Variants in ITGAX observed in about 807,000 individuals in gnomAD.
ITGAX encodes integrin subunit alpha X.
In ITGAX, 99 loss-of-function variants were observed where a neutral mutation model predicts 140.2. The observed-to-expected ratio is 0.71, with a 90% confidence interval of 0.60 to 0.83. The LOEUF (loss-of-function observed/expected upper bound fraction) is 0.83, where lower values mean the gene tolerates loss of function less well. ITGAX is among the 40% of genes least tolerant of loss of function. The probability of loss-of-function intolerance (pLI) is 0.00; values close to 1 mark genes in which losing one functional copy is unlikely to be tolerated. For synonymous variants in ITGAX, 631 were observed against 600.4 expected (o/e 1.05, Z -0.75); for missense variants, 1,444 against 1,482.0 (o/e 0.97, Z 0.42).
chr16:31,381,293 G>A (rs1040466021), intron 29 of ITGAX, among the ~76,000 whole-genome samples: 1 of 152,092 alleles, frequency 6.6e-6, no homozygotes, highest in African/African-American at 2.4e-5. Context: ...TTTGAATGTC[G>A]ACATCACCAC....
chr16:31,373,173 C>G, intron 19 of ITGAX, 76 bp from the exon 20 acceptor site: 1 of 1,017,278 alleles, frequency 9.8e-7, no homozygotes, highest in South Asian at 1.5e-5. Flanking sequence ...AAATCCCCAC[C>G]CACCCCATTT....
At chr16:31,370,160 T>G (rs1363415724) in intron 14 of ITGAX, 2 of 152,218 alleles carry the variant, frequency 1.3e-5, no homozygotes, top group African/African-American at 4.8e-5. Flanking sequence ...TTCACCATGT[T>G]GGCCAGGCTG....
chr16:31,367,844 C>A (rs1006009824), intron 14 of ITGAX, among the ~76,000 whole-genome samples: 1 of 152,196 alleles, frequency 6.6e-6, no homozygotes, highest in Non-Finnish European at 1.5e-5. Context: ...GATAGTGATT[C>A]TTCTGATGGA....
At chr16:31,375,585 A>G (rs1348752195) in intron 20 of ITGAX, among the ~76,000 whole-genome samples, 1 of 152,242 alleles carries the variant, frequency 6.6e-6, no homozygotes, top group African/African-American at 2.4e-5. Flanking sequence ...ATCACACCCA[A>G]TGAAATAAGT....
intron 14 of ITGAX, among the ~76,000 whole-genome samples, chr16:31,369,468 T>C (rs567034069): frequency 6.6e-6 from 1 of 152,252 alleles, no homozygotes; most frequent in Admixed American, 6.5e-5. Context: ...AGAAATTTCA[T>C]GAAAGGAAGA....
At position 31,382,032 on chromosome 16, in the gene ITGAX, G is replaced by T. The variant is rs1482394429; in HGVS notation, c.*125G>T. On this transcript the variant is annotated 3_prime_UTR_variant, in exon 30 of 30. Transcript: ENST00000268296. Reference sequence around the variant, plus strand: ...AGAGGCTGGGATGGGCCTGCTTCCTGTCTTTGGGAGAAAACGTCTTGCTTG... The same window carrying T: ...AGAGGCTGGGATGGGCCTGCTTCCTTTCTTTGGGAGAAAACGTCTTGCTTG... The T allele has an allele frequency of 4.8e-6, 7 of 1,451,418 alleles. No individual in the cohort carries two copies. In the East Asian group the frequency reaches 1.7e-4, roughly 36 times the overall value. 89.9% of individuals were successfully genotyped at this position (1,451,418 alleles called of 1,614,324 possible).
chr16:31,358,419 C>T (rs924933532), intron 5 of ITGAX: 5 of 152,066 alleles, frequency 3.3e-5, no homozygotes, highest in African/African-American at 7.3e-5. Flanking sequence ...ATAGTGAGAC[C>T]TCATCTCTAC....
At chr16:31,374,171 C>A (rs1164313884) in intron 20 of ITGAX, among the ~76,000 whole-genome samples, 1 of 152,062 alleles carries the variant, frequency 6.6e-6, no homozygotes. Context: ...TGCCTGTGAT[C>A]CCAGCTACTG....
intron 14 of ITGAX, among the ~76,000 whole-genome samples, chr16:31,369,275 C>A (rs12930249): frequency 7.5e-6 from 1 of 133,718 alleles, no homozygotes; most frequent in African/African-American, 2.9e-5. Flanking sequence ...GGCAGCTGGC[C>A]GGGCGGGGGG....
Position 31,377,216 on chromosome 16 carries a change from T to G in ITGAX, c.2740T>G (p.Phe914Val), listed in dbSNP as rs1213037700. The G allele has an allele frequency of 1.9e-6, 3 of 1,613,896 alleles. No homozygotes were observed. In the Admixed American group the frequency reaches 5.0e-5, roughly 27 times the overall value. The change falls in exon 23 of 30, where the codon TTC (phenylalanine) becomes GTC (valine). Residue 914 changes from phenylalanine to valine, a missense_variant. Phe to Val is a conservative substitution (Grantham distance 50). Transcript: ENST00000268296. ...NNTPRTSKTT[F>V]QLELPVKYAV... The stretch of plus-strand genomic sequence containing the variant: ...CACTCCCAGGACCAGCAAGACCACC[T>G]TCCAGCTGGAGCTCCCGGTGAAGTA...
intron 14 of ITGAX, among the ~76,000 whole-genome samples, chr16:31,368,407 A>G (rs548808635): frequency 1.3e-5 from 2 of 150,826 alleles, no homozygotes; most frequent in South Asian, 2.1e-4. Context: ...CTGAGGCAGG[A>G]GAATCGCTTG....
At chr16:31,381,057 T>G (rs981890701) in intron 29 of ITGAX, 50 bp downstream of exon 29, 38 of 1,451,550 alleles carry the variant, frequency 2.6e-5, no homozygotes, top group Non-Finnish European at 3.6e-5. Context: ...GTCCCGCTCT[T>G]TTTGCAGAGT....
intron 7 of ITGAX, 22 bp downstream of exon 7, chr16:31,360,087 GCA>G (rs1432242731): frequency 1.2e-6 from 2 of 1,606,348 alleles, no homozygotes; most frequent in African/African-American, 2.7e-5. Flanking sequence ...TTTCTTCCAG[GCA>G]CAGTCCCAAA....
At chr16:31,372,221 C>T (rs190004554) in intron 17 of ITGAX, among the ~76,000 whole-genome samples, 157 bp from the exon 18 acceptor site, 1 of 151,794 alleles carries the variant, frequency 6.6e-6, no homozygotes, top group East Asian at 2.0e-4. Context: ...GAGAGGGTGT[C>T]AGGGAGGCCT....
At chr16:31,357,213 G>A in intron 4 of ITGAX, 40 bp from the exon 5 acceptor site, 1 of 1,551,670 alleles carries the variant, frequency 6.4e-7, no homozygotes, top group East Asian at 2.3e-5. Context: ...AGGGTGGGAG[G>A]AAGCAGGGGC....
intron 14 of ITGAX, among the ~76,000 whole-genome samples, chr16:31,363,826 G>A (rs774268438): frequency 2.1e-4 from 32 of 152,192 alleles, no homozygotes; most frequent in Non-Finnish European, 3.8e-4. Context: ...GGAAGACAAG[G>A]GCCTTGGTTT....
chr16:31,372,074 A>G (rs1224240233), intron 17 of ITGAX, among the ~76,000 whole-genome samples: 1 of 150,062 alleles, frequency 6.7e-6, no homozygotes, highest in African/African-American at 2.5e-5. Context: ...TTCACTGGAC[A>G]GGGGTTTATC....
At chr16:31,364,851 T>C (rs1320986159) in intron 14 of ITGAX, among the ~76,000 whole-genome samples, 1 of 104,730 alleles carries the variant, frequency 9.5e-6, no homozygotes, top group Admixed American at 1.1e-4. Context: ...CTACTAAAAA[T>C]ACAAAAAAAA....
At position 31,382,653 on chromosome 16, in the gene ITGAX, G is replaced by T; in HGVS notation, c.*746G>T. The stretch of plus-strand genomic sequence containing the variant: ...GCTTCATCGTGGGGCTCTCAGTTCC[G>T]ATTTCCCAGGCTGAATTGGGAGTGA... On this transcript the variant is annotated 3_prime_UTR_variant, in exon 30 of 30. Coordinates refer to ENST00000268296, the MANE Select transcript of ITGAX (RefSeq NM_000887.5). The T allele has an allele frequency of 1.6e-6, 1 of 622,428 alleles. No individual in the cohort carries two copies. The highest frequency in any genetic ancestry group is 2.9e-6 in the Non-Finnish European group (1 of 341,240). 38.6% of individuals were successfully genotyped at this position (622,428 alleles called of 1,614,324 possible). A position where few individuals can be genotyped will look rare whatever the true frequency, so the allele number is the denominator to read the frequency against.
Sources: allele counts gnomAD v4.1 joint callset (sites outside exome capture counted in the v4.1 genomes callset), GRCh38; gene constraint gnomAD v4.1.1; transcripts MANE v1.5; gene names NCBI Gene and HGNC (gene_info 2026-07-23, HGNC 2026-07-21).